Variants in SHROOM2 observed in about 807,000 individuals in gnomAD.
SHROOM2 encodes the protein shroom family member 2.
In SHROOM2, 33 loss-of-function variants were observed where a neutral mutation model predicts 75.9. That is an observed-to-expected ratio of 0.43 (90% CI 0.33 to 0.58). The LOEUF (loss-of-function observed/expected upper bound fraction) is 0.58. Among genes scored for constraint, SHROOM2 ranks in the 20% least tolerant of loss-of-function variants. SHROOM2 has a pLI of 0.04. For synonymous variants in SHROOM2, 655 were observed against 663.6 expected (o/e 0.99, Z 0.20); for missense variants, 1,434 against 1,461.2 (o/e 0.98, Z 0.30).
At chrX:9,808,353 G>A (rs1279884726) in intron 1 of SHROOM2, among the ~76,000 whole-genome samples, 1 of 103,313 alleles carries the variant, frequency 9.7e-6, no homozygotes, top group Non-Finnish European at 2.0e-5. Flanking sequence ...AGACCAGACT[G>A]GGCAATATAG....
intron 1 of SHROOM2, among the ~76,000 whole-genome samples, chrX:9,803,817 A>G (rs1018842042): frequency 5.4e-5 from 6 of 111,513 alleles, no homozygotes; most frequent in African/African-American, 2.0e-4. Context: ...AGTATACTCC[A>G]TGGGCATACA....
At chrX:9,824,150 T>C (rs1333304013) in intron 1 of SHROOM2, among the ~76,000 whole-genome samples, 1 of 109,915 alleles carries the variant, frequency 9.1e-6, no homozygotes, top group South Asian at 4.0e-4. Flanking sequence ...AAAATTAAGG[T>C]CGGCCGGGTG....
chrX:9,843,572 T>C (rs1444330198), intron 1 of SHROOM2, among the ~76,000 whole-genome samples: 1 of 111,282 alleles, frequency 9.0e-6, no homozygotes, highest in Non-Finnish European at 1.9e-5. Flanking sequence ...CTAATTGTTT[T>C]GTGTTTTTAG....
intron 5 of SHROOM2, among the ~76,000 whole-genome samples, chrX:9,899,169 C>G (rs1249672191): frequency 9.1e-6 from 1 of 109,544 alleles, no homozygotes; most frequent in Non-Finnish European, 1.9e-5. Flanking sequence ...CGTTCAAGCA[C>G]GAGAATCGCT....
chrX:9,936,619 G>T (rs1201725721), intron 6 of SHROOM2, among the ~76,000 whole-genome samples: 2 of 111,009 alleles, frequency 1.8e-5, no homozygotes, highest in Non-Finnish European at 3.8e-5. Flanking sequence ...GGTGGTGGGG[G>T]GCTTTGGCCT....
At chrX:9,807,439 C>T (rs770113991) in intron 1 of SHROOM2, among the ~76,000 whole-genome samples, 71 of 111,867 alleles carry the variant, frequency 6.3e-4, no homozygotes, top group Non-Finnish European at 3.6e-4. Context: ...GTTGGGAGGC[C>T]GGCAGCCCTG....
intron 1 of SHROOM2, among the ~76,000 whole-genome samples, chrX:9,845,758 A>G (rs974516198): frequency 9.4e-6 from 1 of 106,207 alleles, no homozygotes; most frequent in South Asian, 3.9e-4. Flanking sequence ...GTTGAGAAAC[A>G]TAATTCCTGG....
At chrX:9,896,755 C>T in intron 4 of SHROOM2, 57 bp downstream of exon 4, 2 of 1,081,627 alleles carry the variant, frequency 1.8e-6, no homozygotes, top group Non-Finnish European at 2.4e-6. Context: ...ACAGGACACA[C>T]CCAGAATGCA....
At chrX:9,843,016 G>A (rs1316333371) in intron 1 of SHROOM2, among the ~76,000 whole-genome samples, 3 of 112,068 alleles carry the variant, frequency 2.7e-5, no homozygotes, top group Non-Finnish European at 3.8e-5. Context: ...TAAAAACACC[G>A]GCTCAGGGGA....
At chrX:9,845,109 A>G (rs775934537) in intron 1 of SHROOM2, among the ~76,000 whole-genome samples, 1 of 112,206 alleles carries the variant, frequency 8.9e-6, no homozygotes, top group African/African-American at 3.2e-5. Context: ...AGCCACAGCC[A>G]GTGTATACAT....
In SHROOM2 at chrX:9,824,931, A is replaced by T. The variant is rs766118621; in HGVS notation, c.165+38221A>T. Among the ~76,000 whole-genome samples, 12 of 110,486 alleles carry T rather than the reference A, an allele frequency of 1.1e-4. No homozygotes were observed. In the East Asian group the frequency reaches 3.4e-3, roughly 31 times the overall value. ...ACACTTGGGCGGCTTTCTCCCTGGGACCCCCATCTCGAGATGGCCTCGGGA... is the reference window on the plus strand; with the variant it reads ...ACACTTGGGCGGCTTTCTCCCTGGGTCCCCCATCTCGAGATGGCCTCGGGA... On this transcript the variant is annotated intron_variant, in intron 1 of 9. Transcript: ENST00000380913.
intron 1 of SHROOM2, among the ~76,000 whole-genome samples, chrX:9,832,581 G>A (rs908328225): frequency 1.8e-5 from 2 of 111,890 alleles, no homozygotes; most frequent in African/African-American, 3.2e-5. Context: ...GATAGGGAGC[G>A]GGCACAGCTA....
chrX:9,895,281 C>G lies in SHROOM2; in HGVS notation c.1373C>G (p.Pro458Arg), dbSNP rs775328437. 6.8e-6 allele frequency: 8 copies of G among 1,180,699 alleles called. No individual in the cohort carries two copies. The highest frequency in any genetic ancestry group is 9.1e-6 in the Non-Finnish European group (8 of 880,147). The change falls in exon 4 of 10, where the codon CCT becomes CGT. Residue 458 changes from proline to arginine, a missense_variant. Physicochemically the swap from Pro to Arg is moderately radical, Grantham distance 103 (BLOSUM62 -2). Coordinates refer to ENST00000380913, the MANE Select transcript of SHROOM2 (RefSeq NM_001649.4). Reference protein sequence around the residue: ...GAASFQNDSPPQVRGLSSCDQ... With the variant: ...GAASFQNDSPRQVRGLSSCDQ... Reference sequence around the variant, plus strand: ...GCCAGCTTCCAGAACGACAGCCCTCCTCAGGTGAGGGGGCTCAGCAGCTGT... The same window carrying G: ...GCCAGCTTCCAGAACGACAGCCCTCGTCAGGTGAGGGGGCTCAGCAGCTGT...
intron 1 of SHROOM2, among the ~76,000 whole-genome samples, chrX:9,802,725 G>A (rs775932246): frequency 2.7e-5 from 3 of 111,012 alleles, no homozygotes; most frequent in East Asian, 5.7e-4. Context: ...CAGCTTACAC[G>A]TAGCCTTGAG....
intron 5 of SHROOM2, among the ~76,000 whole-genome samples, chrX:9,910,974 A>C (rs1044274697): frequency 9.0e-6 from 1 of 110,689 alleles, no homozygotes; most frequent in Non-Finnish European, 1.9e-5. Context: ...GTGAACCACC[A>C]CACCCAGCCC....
At chrX:9,885,348 T>G (rs2084255068) in intron 2 of SHROOM2, among the ~76,000 whole-genome samples, 1 of 109,775 alleles carries the variant, frequency 9.1e-6, no homozygotes, top group Non-Finnish European at 1.9e-5. Context: ...GGGCTCTAGG[T>G]GGCGCCAGAG....
chrX:9,809,570 C>T (rs1021327721), intron 1 of SHROOM2, among the ~76,000 whole-genome samples: 1 of 112,503 alleles, frequency 8.9e-6, no homozygotes, highest in Non-Finnish European at 1.9e-5. Flanking sequence ...GTCATAATTA[C>T]GCCTAACATG....
intron 1 of SHROOM2, among the ~76,000 whole-genome samples, chrX:9,792,018 ATAG>A (rs1197730219): frequency 0.048 from 101 of 2,108 alleles, 7 homozygotes; most frequent in African/African-American, 0.099. Flanking sequence ...ATAGAATAGA[ATAG>A]AATAGAATAG....
chrX:9,907,079 C>G (rs754668349), intron 5 of SHROOM2, among the ~76,000 whole-genome samples: 1 of 111,018 alleles, frequency 9.0e-6, no homozygotes, highest in Non-Finnish European at 1.9e-5. Flanking sequence ...ACTGTCCCAC[C>G]GGACCCAGCA....
Sources: allele counts gnomAD v4.1 joint callset (sites outside exome capture counted in the v4.1 genomes callset), GRCh38; gene constraint gnomAD v4.1.1; transcripts MANE v1.5; gene names NCBI Gene and HGNC (gene_info 2026-07-23, HGNC 2026-07-21).